Variants in CDH13 observed in about 807,000 individuals in gnomAD.
CDH13 encodes the protein cadherin 13.
A neutral mutation model predicts 63.8 loss-of-function variants in CDH13; 24 were observed. The ratio of observed to expected loss-of-function variants is 0.38; its 90% CI spans 0.27 to 0.53. The LOEUF is 0.53. Among genes scored for constraint, CDH13 ranks in the 20% least tolerant of loss-of-function variants. The probability of loss-of-function intolerance (pLI) is 0.85; values close to 1 mark genes in which losing one functional copy is unlikely to be tolerated. For synonymous variants in CDH13, 503 were observed against 355.3 expected (o/e 1.42, Z -4.67); for missense variants, 1,049 against 903.1 (o/e 1.16, Z -2.07).
intron 5 of CDH13, among the ~76,000 whole-genome samples, chr16:83,270,192 G>C (rs1008625200): frequency 1.3e-5 from 2 of 152,148 alleles, no homozygotes; most frequent in Non-Finnish European, 2.9e-5. Context: ...AGCCCAAAAA[G>C]GGGGCAGCTT....
chr16:82,969,845 C>T lies in CDH13; in HGVS notation c.158-62165C>T, dbSNP rs137940283. Among the ~76,000 whole-genome samples, 1,138 of 152,272 alleles carry T rather than the reference C, an allele frequency of 7.5e-3. 13 individuals carry two copies. The highest frequency in any genetic ancestry group is 0.026 in the African/African-American group (1,073 of 41,536). ...AAAACAAGATGGCTAGCAAACTCTT[C>T]TCTCCAGGAAACGTCTTCCTAATAA... On this transcript the variant is annotated intron_variant, in intron 2 of 13. Transcript: ENST00000567109.
intron 2 of CDH13, among the ~76,000 whole-genome samples, chr16:82,874,159 A>G (rs1047098533): frequency 1.3e-5 from 2 of 152,194 alleles, no homozygotes; most frequent in African/African-American, 4.8e-5. Context: ...TACCCTCAGT[A>G]GGATAAATAA....
intron 2 of CDH13, among the ~76,000 whole-genome samples, chr16:82,914,653 C>G (rs2041929698): frequency 6.6e-6 from 1 of 152,178 alleles, no homozygotes; most frequent in Non-Finnish European, 1.5e-5. Context: ...TTTCTTGAAG[C>G]TTGGTCAGCC....
chr16:83,495,766 A>G (rs899110408), intron 7 of CDH13, among the ~76,000 whole-genome samples: 3 of 152,182 alleles, frequency 2.0e-5, no homozygotes, highest in Non-Finnish European at 4.4e-5. Flanking sequence ...TTTGGCTTGT[A>G]GAGCATGATT....
intron 2 of CDH13, among the ~76,000 whole-genome samples, chr16:83,015,770 G>A (rs1037265981): frequency 2.1e-5 from 3 of 141,274 alleles, no homozygotes; most frequent in Middle Eastern, 3.7e-3. Context: ...GACTTGCCGT[G>A]GGTATGTGCA....
At chr16:83,772,562 T>G (rs1354792237) in intron 11 of CDH13, among the ~76,000 whole-genome samples, 1 of 152,212 alleles carries the variant, frequency 6.6e-6, no homozygotes, top group African/African-American at 2.4e-5. Context: ...TTAGTGTATA[T>G]TTTTACAAAA....
intron 8 of CDH13, among the ~76,000 whole-genome samples, chr16:83,662,333 A>C (rs760394062): frequency 2.6e-5 from 4 of 152,224 alleles, no homozygotes; most frequent in African/African-American, 9.7e-5. Flanking sequence ...CTCTCTTTGC[A>C]TGATGGAGAT....
At chr16:83,526,662 C>G (rs1283859941) in intron 7 of CDH13, among the ~76,000 whole-genome samples, 2 of 152,184 alleles carry the variant, frequency 1.3e-5, no homozygotes, top group East Asian at 1.9e-4. Context: ...GCTGGCGGCT[C>G]CTGGCTTAAA....
intron 2 of CDH13, among the ~76,000 whole-genome samples, chr16:82,878,661 A>G (rs1262037768): frequency 1.3e-5 from 2 of 150,952 alleles, no homozygotes; most frequent in Non-Finnish European, 2.9e-5. Context: ...AGCCTGGGGC[A>G]TGGTTGTTGG....
At chr16:83,359,930 C>G (rs961363672) in intron 6 of CDH13, among the ~76,000 whole-genome samples, 1 of 152,180 alleles carries the variant, frequency 6.6e-6, no homozygotes, top group Admixed American at 6.5e-5. Flanking sequence ...AACCCTGTAG[C>G]CATTAGACGT....
intron 10 of CDH13, among the ~76,000 whole-genome samples, chr16:83,720,470 G>A (rs187870254): frequency 8.3e-4 from 127 of 152,208 alleles, no homozygotes; most frequent in African/African-American, 2.7e-3. Context: ...GAAGTTGGGC[G>A]TAATGGCTCA....
chr16:82,736,025 A>G (rs762594238), intron 1 of CDH13, among the ~76,000 whole-genome samples: 22 of 152,342 alleles, frequency 1.4e-4, no homozygotes, highest in Non-Finnish European at 2.1e-4. Context: ...CTGCAAGAGT[A>G]AAAAGAGAAC....
intron 1 of CDH13, among the ~76,000 whole-genome samples, chr16:82,656,460 A>C (rs1911307073): frequency 6.6e-6 from 1 of 152,182 alleles, no homozygotes; most frequent in South Asian, 2.1e-4. Context: ...ATTTGGTGGA[A>C]GGTACAGAAG....
At chr16:83,154,895 A>G (rs1395255328) in intron 4 of CDH13, among the ~76,000 whole-genome samples, 1 of 152,220 alleles carries the variant, frequency 6.6e-6, no homozygotes, top group Non-Finnish European at 1.5e-5. Flanking sequence ...CTCATATTCA[A>G]AGTGGTTCTT....
At chr16:83,426,279 T>C (rs1180236288) in intron 6 of CDH13, among the ~76,000 whole-genome samples, 1 of 152,186 alleles carries the variant, frequency 6.6e-6, no homozygotes, top group African/African-American at 2.4e-5. Flanking sequence ...CTTTCAGCAT[T>C]TGAGTGATTT....
At chr16:83,129,789 C>T (rs1007986382) in intron 4 of CDH13, among the ~76,000 whole-genome samples, 5 of 152,226 alleles carry the variant, frequency 3.3e-5, no homozygotes, top group East Asian at 1.9e-4. Context: ...TGCTGGTCTG[C>T]ACTGAAAAGC....
intron 6 of CDH13, among the ~76,000 whole-genome samples, chr16:83,484,053 G>A (rs1263525325): frequency 1.3e-5 from 2 of 152,188 alleles, no homozygotes. Flanking sequence ...TGAAGCATGT[G>A]GCCGGATGGC....
intron 7 of CDH13, among the ~76,000 whole-genome samples, chr16:83,527,312 G>T (rs933074328): frequency 6.6e-6 from 1 of 151,978 alleles, no homozygotes; most frequent in East Asian, 1.9e-4. Context: ...AGCTGGGCAT[G>T]GTGGCAGGTG....
intron 2 of CDH13, among the ~76,000 whole-genome samples, chr16:82,881,529 T>A (rs945287401): frequency 1.3e-5 from 2 of 152,160 alleles, no homozygotes; most frequent in African/African-American, 4.8e-5. Context: ...AGCCATGACC[T>A]TAGAGGAAAA....
Sources: gnomAD v4.1 joint callset for allele counts (sites outside exome capture counted in the v4.1 genomes callset) on GRCh38, gnomAD v4.1.1 for gene constraint, MANE v1.5 for transcripts, NCBI Gene and HGNC (gene_info 2026-07-23, HGNC 2026-07-21) for gene names.